TNS3: variants seen among roughly 807,000 people sequenced by gnomAD.
The protein encoded by TNS3 is tensin 3.
TNS3 carries 45 observed loss-of-function variants against 140.9 expected under a neutral mutation model. The observed-to-expected ratio is 0.32, with a 90% CI of 0.25 to 0.41. The LOEUF (loss-of-function observed/expected upper bound fraction) is 0.41. Ranked by LOEUF, TNS3 falls within the 10% of genes least tolerant of loss-of-function variation. The pLI, the probability that TNS3 is intolerant of heterozygous loss-of-function variation, is 1.00. For missense variants in TNS3, 1,716 were observed against 1,906.7 expected (o/e 0.90, Z 1.86); for synonymous variants, 815 against 788.4 (o/e 1.03, Z -0.56).
intron 17 of TNS3, among the ~76,000 whole-genome samples, chr7:47,353,917 G>T (rs932348081): frequency 2.0e-5 from 3 of 151,528 alleles, no homozygotes; most frequent in Non-Finnish European, 2.9e-5. Flanking sequence ...CTGCAGAAAG[G>T]GGAGGTATGG....
intron 16 of TNS3, among the ~76,000 whole-genome samples, chr7:47,385,749 C>G (rs1792037069): frequency 6.6e-6 from 1 of 152,192 alleles, no homozygotes; most frequent in African/African-American, 2.4e-5. Flanking sequence ...CAGGAAAGCA[C>G]CCATAGTGCC....
At chr7:47,391,429 A>G (rs911937616) in intron 16 of TNS3, among the ~76,000 whole-genome samples, 8 of 152,238 alleles carry the variant, frequency 5.3e-5, no homozygotes, top group African/African-American at 7.2e-5. Context: ...GGTGTGTATG[A>G]TAACAAAAAT....
intron 3 of TNS3, among the ~76,000 whole-genome samples, chr7:47,485,950 A>ATGAGTG (rs1170986916): frequency 6.6e-6 from 1 of 150,590 alleles, no homozygotes; most frequent in Non-Finnish European, 1.5e-5. Context: ...GTGTGTGTGG[A>ATGAGTG]TGAGTGTGAG....
At chr7:47,547,572 C>T (rs1022218872) in intron 1 of TNS3, among the ~76,000 whole-genome samples, 2 of 152,070 alleles carry the variant, frequency 1.3e-5, no homozygotes, top group Non-Finnish European at 1.5e-5. Flanking sequence ...CCTATAGTTC[C>T]ATCAGATGGC....
intron 17 of TNS3, among the ~76,000 whole-genome samples, chr7:47,359,659 T>C (rs1380540720): frequency 1.3e-5 from 2 of 152,230 alleles, no homozygotes. Flanking sequence ...TCAAAATTCA[T>C]ATGACTTTAT....
chr7:47,289,161 T>C (rs1404661198), intron 27 of TNS3, among the ~76,000 whole-genome samples: 1 of 152,164 alleles, frequency 6.6e-6, no homozygotes, highest in East Asian at 1.9e-4. Context: ...AGAAGAATAA[T>C]ACAAATTGTA....
chr7:47,356,395 T>G lies in TNS3; in HGVS notation c.2282-10039A>C, dbSNP rs559210923. On this transcript the variant is annotated intron_variant, in intron 17 of 30. Transcript: ENST00000311160. Reference sequence around the variant, plus strand: ...GTCTCAACCCTGAATTAGCACTGCATTATTTGGGGAGCATTTTTAAAGCAA... The same window carrying G: ...GTCTCAACCCTGAATTAGCACTGCAGTATTTGGGGAGCATTTTTAAAGCAA... 3.3e-5 allele frequency among the ~76,000 whole-genome samples: 5 copies of G among 152,264 alleles called. No individual in the cohort carries two copies. The East Asian group carries it at 7.7e-4, about 24-fold the overall frequency.
intron 28 of TNS3, among the ~76,000 whole-genome samples, 167 bp downstream of exon 28, chr7:47,283,530 C>A (rs1345820102): frequency 2.0e-5 from 3 of 152,102 alleles, no homozygotes; most frequent in Non-Finnish European, 2.9e-5. Context: ...ATGTGGTTCC[C>A]AGGACGTATT....
At chr7:47,559,763 AGCTCCACCAT>A (rs1179455810) in intron 1 of TNS3, among the ~76,000 whole-genome samples, 2 of 152,014 alleles carry the variant, frequency 1.3e-5, no homozygotes, top group Non-Finnish European at 1.5e-5. Context: ...TCCAGGCCCA[AGCTCCACCAT>A]GCATCTTCAT....
rs570207758 is a variant in TNS3, at chr7:47,529,636, A to C, written c.-264-489T>G. Reference sequence around the variant, plus strand: ...TTCCAGAATCACCATTAAGCTCTTGAGCCTCTCTGAGCTCTCCTGCAGAAG... The same window carrying C: ...TTCCAGAATCACCATTAAGCTCTTGCGCCTCTCTGAGCTCTCCTGCAGAAG... On this transcript the variant is annotated intron_variant, in intron 1 of 30. Transcript: ENST00000311160. Among the ~76,000 whole-genome samples, 9 of 152,352 alleles carry C rather than the reference A, an allele frequency of 5.9e-5. No homozygotes were observed. The East Asian group carries it at 1.7e-3, about 29-fold the overall frequency.
intron 4 of TNS3, among the ~76,000 whole-genome samples, chr7:47,478,616 C>T (rs1039472955): frequency 6.6e-6 from 1 of 151,828 alleles, no homozygotes; most frequent in Non-Finnish European, 1.5e-5. Context: ...CATTTATATA[C>T]ATAATATATG....
At chr7:47,323,718 G>C (rs1787877813) in intron 20 of TNS3, among the ~76,000 whole-genome samples, 1 of 152,146 alleles carries the variant, frequency 6.6e-6, no homozygotes, top group South Asian at 2.1e-4. Context: ...ATTGAAGTAA[G>C]ATTTCTATGC....
In TNS3 at chr7:47,304,885, A is replaced by G. The variant is rs770531927; in HGVS notation, c.2769T>C (p.Ala923=). ...TGGAAATGGTGCAGGAAGAAGCAAA[A>G]GCCTGCTGAAAGGAGGGCGTCGAGG... ...DASSTPSFQQ[A]FASSCTISSN... The change falls in exon 21 of 31, where the codon GCT becomes GCC. Residue 923 remains alanine (A), a synonymous_variant. Transcript: ENST00000311160. 1.4e-6 allele frequency: 2 copies of G among 1,413,580 alleles called. No homozygotes were observed. Among genetic ancestry groups the G allele is most frequent in the Non-Finnish European group, 1.9e-6 (2 of 1,071,392 alleles). 87.6% of individuals were successfully genotyped at this position (1,413,580 alleles called of 1,614,324 possible).
At chr7:47,401,704 G>C (rs1793176386) in intron 13 of TNS3, among the ~76,000 whole-genome samples, 1 of 152,202 alleles carries the variant, frequency 6.6e-6, no homozygotes. Context: ...TGTATAACTA[G>C]GTCCCCCCTG....
chr7:47,387,879 G>A (rs1009710831), intron 16 of TNS3, among the ~76,000 whole-genome samples: 24 of 152,216 alleles, frequency 1.6e-4, no homozygotes, highest in African/African-American at 5.8e-4. Context: ...CTTTTCTTCA[G>A]TCCCAGCCTC....
At chr7:47,533,510 A>G (rs1363418376) in intron 1 of TNS3, among the ~76,000 whole-genome samples, 1 of 151,708 alleles carries the variant, frequency 6.6e-6, no homozygotes, top group Non-Finnish European at 1.5e-5. Flanking sequence ...GAGTGGCTAT[A>G]TCAGACAAAG....
intron 2 of TNS3, among the ~76,000 whole-genome samples, chr7:47,511,801 A>G (rs1391196122): frequency 6.6e-6 from 1 of 152,158 alleles, no homozygotes; most frequent in Non-Finnish European, 1.5e-5. Context: ...TGGACCCACA[A>G]GAAGAACCTG....
At chr7:47,467,755 T>C (rs78027598) in intron 4 of TNS3, among the ~76,000 whole-genome samples, 4,484 of 152,140 alleles carry the variant, frequency 0.029, 208 homozygotes, top group African/African-American at 0.096. Flanking sequence ...AACCCCCATA[T>C]TTGAAGATAA....
Position 47,426,976 on chromosome 7 carries a change from A to C in TNS3, c.389+1336T>G, listed in dbSNP as rs551390303. Among the ~76,000 whole-genome samples, 253 of 152,120 alleles carry C rather than the reference A, an allele frequency of 1.7e-3. 1 individual carries two copies. The highest frequency in any genetic ancestry group is 2.5e-3 in the Non-Finnish European group (172 of 67,994). ...CCTGTCCCTACTAAAAATACAAAAA[A>C]TTAGCTGGGCATCTTGGCACACACC... On this transcript the variant is annotated intron_variant, in intron 9 of 30. Transcript: ENST00000311160.
Sources: gnomAD v4.1 joint callset for allele counts (sites outside exome capture counted in the v4.1 genomes callset) on GRCh38, gnomAD v4.1.1 for gene constraint, MANE v1.5 for transcripts, NCBI Gene and HGNC (gene_info 2026-07-23, HGNC 2026-07-21) for gene names.